Variants in ANKRD30B observed in about 807,000 individuals in gnomAD.
ANKRD30B encodes ankyrin repeat domain 30B, also known as ankyrin repeat domain-containing protein 30B.
ANKRD30B carries 144 observed loss-of-function variants against 202.2 expected under a neutral mutation model. That is an observed-to-expected ratio of 0.71 (90% CI 0.62 to 0.82). The LOEUF (loss-of-function observed/expected upper bound fraction) is 0.82, where lower values mean the gene tolerates loss of function less well. Ranked by LOEUF, ANKRD30B falls within the 40% of genes least tolerant of loss-of-function variation. ANKRD30B has a pLI of 0.00. For synonymous variants in ANKRD30B, 508 were observed against 561.3 expected (o/e 0.91, Z 1.34); for missense variants, 1,487 against 1,669.1 (o/e 0.89, Z 1.90).
At position 14,848,705 on chromosome 18, in the gene ANKRD30B, C is replaced by G; in HGVS notation, c.3182-11C>G. The G allele has an allele frequency of 6.6e-7, 1 of 1,504,206 alleles. No individual in the cohort carries two copies. Among genetic ancestry groups the G allele is most frequent in the Non-Finnish European group, 8.9e-7 (1 of 1,128,646 alleles). The allele number at this position is 1,504,206 out of a possible 1,614,324, so 93.2% of individuals were successfully genotyped here. ...CTAATATATTTTATTTCTATCTCCT[C>G]CTTGAGACAGATTCAACTACCCTAT... On this transcript the variant is annotated splice_polypyrimidine_tract_variant and intron_variant, in intron 39 of 43. Transcript: ENST00000690538.
At chr18:14,876,958 T>C in the ANKRD30B span, among the ~76,000 whole-genome samples, 1 of 152,226 alleles carries the variant, frequency 6.6e-6, no homozygotes, top group African/African-American at 2.4e-5. Flanking sequence ...ATTCTCAAGG[T>C]TGCTTTCAGA....
the ANKRD30B span, among the ~76,000 whole-genome samples, chr18:14,880,478 A>G: frequency 3.3e-5 from 5 of 151,732 alleles, no homozygotes; most frequent in African/African-American, 9.7e-5. Context: ...ACAGAATGGT[A>G]ATTTTCACAA....
chr18:14,834,817 T>G (rs1401307709), intron 34 of ANKRD30B, among the ~76,000 whole-genome samples: 1 of 151,980 alleles, frequency 6.6e-6, no homozygotes, highest in African/African-American at 2.4e-5. Flanking sequence ...AACAAAAAAA[T>G]TATAAACAAG....
In ANKRD30B at chr18:14,772,166, A is replaced by G; in HGVS notation, c.1267A>G (p.Thr423Ala). 6 of 1,502,578 alleles carry G rather than the reference A, an allele frequency of 4.0e-6. No individual in the cohort carries two copies. The highest frequency in any genetic ancestry group is 5.4e-6 in the Non-Finnish European group (6 of 1,118,198). 93.1% of individuals were successfully genotyped at this position (1,502,578 alleles called of 1,614,324 possible). Residue 423 changes from threonine (T) to alanine (A), a missense_variant, in exon 9 of 44, where the codon ACA (threonine) becomes GCA (alanine). Coordinates refer to ENST00000690538, the MANE Select transcript of ANKRD30B (RefSeq NM_001367607.2). The stretch of plus-strand genomic sequence containing the variant: ...CATTTTTCTTTAAAGTCTTTTTGGC[A>G]CACGGACTATTGAAAATTCACAGTG... The part of the protein sequence containing the change: ...SVEPIFSLFG[T>A]RTIENSQCTK...
chr18:14,763,970 T>C lies in ANKRD30B; in HGVS notation c.1105T>C (p.Ser369Pro). Reference sequence around the variant, plus strand: ...GATCACATGGGAGGAAAAAGAAACATCTGTAAAGACTGAATGCGTGGCAGG... The same window carrying C: ...GATCACATGGGAGGAAAAAGAAACACCTGTAAAGACTGAATGCGTGGCAGG... Reference protein sequence around the residue: ...RKITWEEKETSVKTECVAGVT... With the variant: ...RKITWEEKETPVKTECVAGVT... Residue 369 changes from serine (S) to proline (P), a missense_variant, in exon 7 of 44, where the codon TCT becomes CCT. Ser to Pro is a moderately conservative substitution (Grantham distance 74). This residue lies in a region of ANKRD30B where 889 missense variants were observed against 841.4 expected (regional missense o/e 1.06). Coordinates refer to ENST00000690538, the MANE Select transcript of ANKRD30B (RefSeq NM_001367607.2). 1.2e-6 allele frequency: 2 copies of C among 1,606,440 alleles called. No homozygotes were observed. The highest frequency in any genetic ancestry group is 2.2e-5 in the South Asian group (2 of 89,926).
intron 36 of ANKRD30B, among the ~76,000 whole-genome samples, chr18:14,839,751 T>C (rs1211708937): frequency 6.6e-6 from 1 of 152,196 alleles, no homozygotes; most frequent in Non-Finnish European, 1.5e-5. Flanking sequence ...AAAAAAGATG[T>C]AAAATTATTT....
the ANKRD30B span, among the ~76,000 whole-genome samples, chr18:14,886,212 A>G: frequency 6.6e-6 from 1 of 151,974 alleles, no homozygotes; most frequent in Non-Finnish European, 1.5e-5. Context: ...GATCTAGTGT[A>G]GAAAGCATGT....
Position 14,842,326 on chromosome 18 carries a change from A to G in ANKRD30B, c.3080-571A>G, listed in dbSNP as rs1168759881. ...TATGATTACACTGCAAGGATATGGG[A>G]AACAATGAATATTTTATTTAGTATT... On this transcript the variant is annotated intron_variant, in intron 37 of 43. Coordinates refer to ENST00000690538, the MANE Select transcript of ANKRD30B (RefSeq NM_001367607.2). Among the ~76,000 whole-genome samples the G allele has an allele frequency of 2.6e-5, 4 of 152,266 alleles. No homozygotes were observed. The East Asian group carries it at 7.7e-4, about 29-fold the overall frequency.
At chr18:14,921,219 G>GAGGCGCA in the ANKRD30B span, among the ~76,000 whole-genome samples, 1 of 70,642 alleles carries the variant, frequency 1.4e-5, no homozygotes, top group Non-Finnish European at 3.0e-5. Context: ...CATGAGGCAT[G>GAGGCGCA]TGTTTAGATA....
the ANKRD30B span, among the ~76,000 whole-genome samples, chr18:14,862,486 G>A: frequency 6.6e-6 from 1 of 152,242 alleles, no homozygotes; most frequent in Non-Finnish European, 1.5e-5. Context: ...GAATATGTTT[G>A]TGTGCATAAA....
At chr18:14,808,368 T>C (rs1486112322) in intron 24 of ANKRD30B, 183 bp from the exon 25 acceptor site, 7 of 663,072 alleles carry the variant, frequency 1.1e-5, no homozygotes, top group Admixed American at 2.1e-5. Flanking sequence ...TTAAATTTTC[T>C]TAAGTATATT....
chr18:14,885,799 A>G, the ANKRD30B span, among the ~76,000 whole-genome samples: 7 of 151,992 alleles, frequency 4.6e-5, no homozygotes, highest in African/African-American at 1.7e-4. Flanking sequence ...TTTATATTAT[A>G]ATTTATATTA....
the ANKRD30B span, among the ~76,000 whole-genome samples, chr18:14,884,621 TA>T: frequency 6.6e-6 from 1 of 151,938 alleles, no homozygotes; most frequent in South Asian, 2.1e-4. Context: ...AATTCAATGA[TA>T]AGAATTTGGA....
the ANKRD30B span, chr18:14,883,704 A>G: frequency 6.6e-6 from 1 of 151,388 alleles, no homozygotes; most frequent in Non-Finnish European, 1.5e-5. Context: ...ATGGCAGGGT[A>G]ATTTGCTTCA....
At chr18:14,762,914 G>A (rs999291349) in intron 6 of ANKRD30B, among the ~76,000 whole-genome samples, 2 of 152,098 alleles carry the variant, frequency 1.3e-5, no homozygotes, top group African/African-American at 4.8e-5. Context: ...CAGAAGAGCT[G>A]TGCCTATTGA....
At chr18:14,885,751 AC>A in the ANKRD30B span, among the ~76,000 whole-genome samples, 1 of 151,868 alleles carries the variant, frequency 6.6e-6, no homozygotes, top group Non-Finnish European at 1.5e-5. Context: ...TTTGTAGCCA[AC>A]TCAAAGGCTG....
chr18:14,905,727 A>T, the ANKRD30B span: 1 of 152,320 alleles, frequency 6.6e-6, no homozygotes, highest in East Asian at 1.9e-4. Context: ...CCATTTCAAC[A>T]TATGTCAGAT....
chr18:14,868,410 G>A, the ANKRD30B span, among the ~76,000 whole-genome samples: 3 of 152,290 alleles, frequency 2.0e-5, no homozygotes, highest in African/African-American at 7.2e-5. Flanking sequence ...CAGAATTTAG[G>A]GGCTTACGAT....
intron 37 of ANKRD30B, among the ~76,000 whole-genome samples, chr18:14,841,719 C>A (rs1378838488): frequency 2.6e-5 from 4 of 152,084 alleles, no homozygotes; most frequent in Non-Finnish European, 4.4e-5. Flanking sequence ...AGATAGCCAG[C>A]CAACTTTGGA....
Sources: gnomAD v4.1 joint callset for allele counts (sites outside exome capture counted in the v4.1 genomes callset) on GRCh38, gnomAD v4.1.1 for gene constraint, gnomAD v4.1.1 regional missense constraint, MANE v1.5 for transcripts, NCBI Gene and HGNC (gene_info 2026-07-23, HGNC 2026-07-21) for gene names.